The following CPLANE1 variants were observed in gnomAD, a reference collection of about 807,000 sequenced individuals.
CPLANE1 encodes the protein ciliogenesis and planar polarity effector complex subunit 1.
A neutral mutation model predicts 362.5 loss-of-function variants in CPLANE1; 263 were observed. The ratio of observed to expected loss-of-function variants is 0.73; its 90% CI spans 0.66 to 0.80. The LOEUF (loss-of-function observed/expected upper bound fraction) is 0.80. Ranked by LOEUF, CPLANE1 falls within the 30% of genes least tolerant of loss-of-function variation. The probability of loss-of-function intolerance (pLI) is 0.00; values close to 1 mark genes in which losing one functional copy is unlikely to be tolerated. For synonymous variants in CPLANE1, 1,212 were observed against 1,302.6 expected (o/e 0.93, Z 1.50); for missense variants, 3,461 against 3,793.4 (o/e 0.91, Z 2.30).
intron 32 of CPLANE1, among the ~76,000 whole-genome samples, chr5:37,172,636 T>G (rs935147056): frequency 6.6e-6 from 1 of 152,180 alleles, no homozygotes; most frequent in African/African-American, 2.4e-5. Context: ...GTAAGTTTCA[T>G]GGGACAGGGG....
chr5:37,139,620 T>C, intron 44 of CPLANE1: 1 of 622,250 alleles, frequency 1.6e-6, no homozygotes, highest in Non-Finnish European at 2.1e-6. Context: ...GACATGGTCA[T>C]GGCATACTAC....
At chr5:37,076,756 CTTGAG>C in the CPLANE1 span, among the ~76,000 whole-genome samples, 8 of 151,238 alleles carry the variant, frequency 5.3e-5, no homozygotes, top group African/African-American at 1.2e-4. Flanking sequence ...TTTATTTCTT[CTTGAG>C]TTATTTTCTC....
Position 37,138,843 on chromosome 5 carries a change from G to A in CPLANE1, c.8669C>T (p.Ser2890Leu). Residue 2890 changes from serine to leucine, a missense_variant, in exon 46 of 53, where the codon TCA becomes TTA. Physicochemically the swap from Ser to Leu is moderately radical, Grantham distance 145 (BLOSUM62 -2). Coordinates refer to ENST00000651892, the MANE Select transcript of CPLANE1 (RefSeq NM_001384732.1). ...NSSDELCESV[S>L]VHPLQMTGLT... ...TCCAGTCATCTGGAGCGGATGTACTGAAACACTTCATTTGCAAATGTAATT... is the reference window on the plus strand; with the variant it reads ...TCCAGTCATCTGGAGCGGATGTACTAAAACACTTCATTTGCAAATGTAATT... 1 of 1,601,338 alleles carries A rather than the reference G, an allele frequency of 6.2e-7. No individual in the cohort carries two copies. Among genetic ancestry groups the A allele is most frequent in the East Asian group, 2.2e-5 (1 of 44,608 alleles).
intron 17 of CPLANE1, 129 bp downstream of exon 17, chr5:37,206,068 A>G: frequency 7.4e-6 from 5 of 678,362 alleles, no homozygotes; most frequent in South Asian, 3.9e-5. Context: ...CATTTCTATC[A>G]CTAAAGAACG....
chr5:37,210,702 C>T (rs974981441), intron 16 of CPLANE1: 2 of 1,579,278 alleles, frequency 1.3e-6, no homozygotes, highest in Admixed American at 3.3e-5. Flanking sequence ...GAGACTGGAG[C>T]TTCTGGCACA....
At chr5:37,118,599 T>G (rs1330955643) in intron 50 of CPLANE1, among the ~76,000 whole-genome samples, 1 of 152,150 alleles carries the variant, frequency 6.6e-6, no homozygotes, top group Admixed American at 6.5e-5. Flanking sequence ...GGGCAATTAT[T>G]TAAGCTTTCT....
chr5:37,238,944 A>C lies in CPLANE1; in HGVS notation c.851T>G (p.Phe284Cys). ...QKDPKATQVLFINTLNFVTLC... is the reference protein window; with the variant it reads ...QKDPKATQVLCINTLNFVTLC... ...AGTAACAAAATTCAGTGTGTTTATA[A>C]ATAATACCTGAGTTGCCTAGAAAGG... The change falls in exon 8 of 53, where the codon TTT (phenylalanine) becomes TGT (cysteine). Residue 284 changes from phenylalanine (F) to cysteine (C), a missense_variant. Around this residue, in one of 2 missense-constraint regions of CPLANE1, gnomAD observed 3,380 missense variants for 3,666.1 expected, o/e 0.92. Transcript: ENST00000651892. 6.6e-7 allele frequency: 1 copy of C among 1,509,322 alleles called. No homozygotes were observed. The highest frequency in any genetic ancestry group is 8.9e-7 in the Non-Finnish European group (1 of 1,128,656). 93.5% of individuals were successfully genotyped at this position (1,509,322 alleles called of 1,614,324 possible).
rs1301874838 is a variant in CPLANE1 at position 37,169,158 on chromosome 5, T to C, written c.6866A>G (p.Tyr2289Cys). The C allele has an allele frequency of 6.2e-7, 1 of 1,614,122 alleles. No individual in the cohort carries two copies. The highest frequency in any genetic ancestry group is 1.6e-4 in the Middle Eastern group (1 of 6,084). The change falls in exon 34 of 53, where the codon TAT becomes TGT. Residue 2289 changes from tyrosine (Y) to cysteine (C), a missense_variant. Tyr to Cys is a radical substitution (Grantham distance 194). Coordinates refer to ENST00000651892, the MANE Select transcript of CPLANE1 (RefSeq NM_001384732.1). ...TTCTTTTTTTCTGGCTTCAGTGTTA[T>C]ACTGGCTTACATTCAAATGGGATGC... ...TPASHLNVSQ[Y>C]NTEARKKEVE...
chr5:37,127,676 G>A (rs301894), intron 46 of CPLANE1, among the ~76,000 whole-genome samples: 19,648 of 151,042 alleles, frequency 0.13, 1,570 homozygotes, highest in African/African-American at 0.22. Flanking sequence ...GCACCACCAC[G>A]CCCGGCTTTT....
intron 31 of CPLANE1, among the ~76,000 whole-genome samples, chr5:37,174,574 T>TA (rs531733099): frequency 2.6e-5 from 4 of 151,404 alleles, no homozygotes; most frequent in Admixed American, 6.6e-5. Context: ...GTTTTTTTTT[T>TA]AAAAAAACAA....
At chr5:37,184,738 C>T (rs761125994) in intron 25 of CPLANE1, 50 bp downstream of exon 25, 2 of 1,525,412 alleles carry the variant, frequency 1.3e-6, no homozygotes, top group South Asian at 2.6e-5. Context: ...TGCCTGAAAG[C>T]TACTTTTCAA....
In CPLANE1 at chr5:37,145,406, T is replaced by G. The variant is rs907383943; in HGVS notation, c.8461+2775A>C. On this transcript the variant is annotated intron_variant, in intron 43 of 52. Coordinates refer to ENST00000651892, the MANE Select transcript of CPLANE1 (RefSeq NM_001384732.1). ...TTCTATTGTTTGGGAGGTAGATATA[T>G]TCACCTTAATTTAAAATGAAAAAAA... Among the ~76,000 whole-genome samples, 3 of 152,200 alleles carry G rather than the reference T, an allele frequency of 2.0e-5. No homozygotes were observed. In the East Asian group the frequency reaches 5.8e-4, roughly 29 times the overall value.
chr5:37,222,413 A>T (rs75003678), intron 14 of CPLANE1, among the ~76,000 whole-genome samples: 8,102 of 152,212 alleles, frequency 0.053, 668 homozygotes, highest in African/African-American at 0.18. Context: ...ATTGGAAGCA[A>T]TGCACTAAAG....
In CPLANE1 at chr5:37,184,232, C is replaced by T. The variant is rs1393067868; in HGVS notation, c.4482-533G>A. Among the ~76,000 whole-genome samples, 4 of 152,098 alleles carry T rather than the reference C, an allele frequency of 2.6e-5. No individual in the cohort carries two copies. The East Asian group carries it at 5.8e-4, about 22-fold the overall frequency. ...GCTGTTATGAAACCTGTTGGGCGGA[C>T]ACCTTAACTGCCCAACAACAATTCC... On this transcript the variant is annotated intron_variant, in intron 25 of 52. Transcript: ENST00000651892.
chr5:37,199,550 G>A (rs2151425553), intron 19 of CPLANE1, among the ~76,000 whole-genome samples: 1 of 152,326 alleles, frequency 6.6e-6, no homozygotes, highest in South Asian at 2.1e-4. Flanking sequence ...GAAGGGCCTT[G>A]TCATTTGTCT....
chr5:37,192,281 G>C (rs775337580), intron 21 of CPLANE1, among the ~76,000 whole-genome samples: 39 of 152,132 alleles, frequency 2.6e-4, no homozygotes, highest in Admixed American at 6.5e-4. Context: ...CTAGGCTGGA[G>C]TGCAGTGGCT....
At chr5:37,099,862 A>T in the CPLANE1 span, among the ~76,000 whole-genome samples, 1 of 152,118 alleles carries the variant, frequency 6.6e-6, no homozygotes, top group African/African-American at 2.4e-5. Flanking sequence ...TTCTCTAATG[A>T]TCAGTGATGT....
chr5:37,118,203 G>A (rs921668419), intron 50 of CPLANE1, among the ~76,000 whole-genome samples: 2 of 151,900 alleles, frequency 1.3e-5, no homozygotes, highest in Admixed American at 1.3e-4. Context: ...AGACCAGCCT[G>A]GGCAACACAG....
chr5:37,162,410 T>A, intron 38 of CPLANE1, 55 bp downstream of exon 38: 2 of 1,089,886 alleles, frequency 1.8e-6, no homozygotes, highest in Non-Finnish European at 2.7e-6. Context: ...AAAGTCTAGA[T>A]AACTTAATTG....
Sources: gnomAD v4.1 joint callset for allele counts (sites outside exome capture counted in the v4.1 genomes callset) on GRCh38, gnomAD v4.1.1 for gene constraint, gnomAD v4.1.1 regional missense constraint, MANE v1.5 for transcripts, NCBI Gene and HGNC (gene_info 2026-07-23, HGNC 2026-07-21) for gene names.